EVL: variants seen among roughly 807,000 people sequenced by gnomAD.
EVL encodes ena/VASP-like protein.
In EVL, 21 loss-of-function variants were observed where a neutral mutation model predicts 59.6. The ratio of observed to expected loss-of-function variants is 0.35; its 90% CI spans 0.25 to 0.51. EVL has a LOEUF of 0.51. EVL is among the 20% of genes least tolerant of loss of function. The pLI, the probability that EVL is intolerant of heterozygous loss-of-function variation, is 0.97. For synonymous variants in EVL, 198 were observed against 203.5 expected (o/e 0.97, Z 0.23); for missense variants, 462 against 546.6 (o/e 0.85, Z 1.54).
chr14:100,037,218 A>C (rs2140227419), intron 1 of EVL, among the ~76,000 whole-genome samples: 1 of 152,374 alleles, frequency 6.6e-6, no homozygotes, highest in South Asian at 2.1e-4. Flanking sequence ...CCACATCTGA[A>C]GGGCAGTCCG....
In EVL at chr14:100,114,418, T is replaced by A. The variant is rs1457738276; in HGVS notation, c.359-9121T>A. On this transcript the variant is annotated intron_variant, in intron 3 of 13. Transcript: ENST00000392920. This position sits in a 1 kb window ranked among gnomAD's most constrained non-coding sequence, Gnocchi z 5.0. ...CCTGTGAGCTGAGCCCCACAAGGGGTCTGGACAGTCCTCCAGGGCCAGGGC... is the reference window on the plus strand; with the variant it reads ...CCTGTGAGCTGAGCCCCACAAGGGGACTGGACAGTCCTCCAGGGCCAGGGC... The A allele has an allele frequency of 6.6e-6, 1 of 152,106 alleles. No homozygotes were observed. Among genetic ancestry groups the A allele is most frequent in the Non-Finnish European group, 1.5e-5 (1 of 68,104 alleles). The allele number at this position is 152,106 out of a possible 1,614,324, so 9.4% of individuals were successfully genotyped here.
At chr14:99,986,034 G>A (rs1446298676) in intron 1 of EVL, among the ~76,000 whole-genome samples, 1 of 152,158 alleles carries the variant, frequency 6.6e-6, no homozygotes, top group Non-Finnish European at 1.5e-5. Context: ...GCTCATGCCT[G>A]TAATCCCAGC....
rs1193202450 is a variant in EVL, at chr14:100,127,126, A to T, written c.487+355A>T. Reference sequence around the variant, plus strand: ...GTCCACTCAAGGAGACAGTGAACCCACCCTTGTCATGTCACGTAGTGAACA... The same window carrying T: ...GTCCACTCAAGGAGACAGTGAACCCTCCCTTGTCATGTCACGTAGTGAACA... On this transcript the variant is annotated intron_variant, in intron 5 of 13. Coordinates refer to ENST00000392920, the MANE Select transcript of EVL (RefSeq NM_016337.3). The surrounding 1 kb of genome is among the most constrained non-coding windows in gnomAD (Gnocchi z 4.2). Among the ~76,000 whole-genome samples the T allele has an allele frequency of 6.6e-6, 1 of 152,098 alleles. No homozygotes were observed. The highest frequency in any genetic ancestry group is 1.5e-5 in the Non-Finnish European group (1 of 68,018).
At chr14:100,077,706 A>G (rs1294130477) in intron 1 of EVL, among the ~76,000 whole-genome samples, 1 of 152,126 alleles carries the variant, frequency 6.6e-6, no homozygotes, top group African/African-American at 2.4e-5. Flanking sequence ...AATCTCCTAA[A>G]TGGGGGCCTA....
At chr14:100,038,840 A>G (rs1201575919) in intron 1 of EVL, among the ~76,000 whole-genome samples, 1 of 148,864 alleles carries the variant, frequency 6.7e-6, no homozygotes, top group African/African-American at 2.5e-5. Flanking sequence ...TGTACTCACA[A>G]AGATCAGAAA....
At chr14:100,096,401 T>C (rs1885815213) in intron 2 of EVL, among the ~76,000 whole-genome samples, 1 of 152,226 alleles carries the variant, frequency 6.6e-6, no homozygotes, top group Non-Finnish European at 1.5e-5. Context: ...CTTCCATTCG[T>C]AGAGATCTTC....
intron 7 of EVL, among the ~76,000 whole-genome samples, chr14:100,132,091 A>G (rs746391244): frequency 2.6e-5 from 4 of 151,994 alleles, no homozygotes; most frequent in Admixed American, 6.6e-5. Context: ...AGGTCAGCAG[A>G]TACCACTGAG....
intron 1 of EVL, among the ~76,000 whole-genome samples, chr14:100,070,699 C>T (rs774601632): frequency 3.3e-5 from 5 of 152,156 alleles, no homozygotes; most frequent in African/African-American, 1.2e-4. Context: ...AGGGCAGAGC[C>T]GGGGTCTTCA....
chr14:100,019,563 G>T (rs552640904), intron 1 of EVL: 6 of 1,016,868 alleles, frequency 5.9e-6, no homozygotes, highest in Non-Finnish European at 8.3e-6. Flanking sequence ...TGGAAACCCC[G>T]CCTCATTTTT....
chr14:99,979,182 C>T (rs2060790233), intron 1 of EVL, among the ~76,000 whole-genome samples: 1 of 151,790 alleles, frequency 6.6e-6, no homozygotes, highest in Non-Finnish European at 1.5e-5. Context: ...ACAAATAATC[C>T]CCATACCTAA....
At chr14:100,136,798 G>T (rs1769391167) in intron 9 of EVL, among the ~76,000 whole-genome samples, 1 of 152,174 alleles carries the variant, frequency 6.6e-6, no homozygotes, top group Non-Finnish European at 1.5e-5. Context: ...CCCCTGCCCT[G>T]TTTGCTTCTT....
chr14:100,045,507 A>G (rs1566982273), intron 1 of EVL, among the ~76,000 whole-genome samples: 1 of 151,982 alleles, frequency 6.6e-6, no homozygotes, highest in Admixed American at 6.6e-5. Flanking sequence ...GTAGGTCACA[A>G]TGATTTTCAG....
At chr14:99,995,162 A>T (rs2060905227) in intron 1 of EVL, among the ~76,000 whole-genome samples, 1 of 152,064 alleles carries the variant, frequency 6.6e-6, no homozygotes, top group Non-Finnish European at 1.5e-5. Flanking sequence ...GAGTTTTTTT[A>T]ACCTTGAATT....
intron 3 of EVL, chr14:100,102,268 C>A (rs1886269379): frequency 2.2e-6 from 1 of 455,936 alleles, no homozygotes; most frequent in Non-Finnish European, 4.4e-6. Flanking sequence ...CCTCCTTGCA[C>A]CTTTTGCTAT....
At chr14:100,006,546 C>T (rs937526875) in intron 1 of EVL, among the ~76,000 whole-genome samples, 2 of 152,074 alleles carry the variant, frequency 1.3e-5, no homozygotes, top group Non-Finnish European at 2.9e-5. Context: ...CTTGGCCTCT[C>T]AAACTGCTGG....
chr14:99,988,181 G>T (rs1035376448), intron 1 of EVL, among the ~76,000 whole-genome samples: 2 of 152,044 alleles, frequency 1.3e-5, no homozygotes, highest in African/African-American at 4.8e-5. Flanking sequence ...CTCCCAAAGT[G>T]CTGGGATTAC....
Position 99,980,712 on chromosome 14 carries a change from A to G in EVL, c.5+8655A>G, listed in dbSNP as rs1026448244. On this transcript the variant is annotated intron_variant, in intron 1 of 13. Transcript: ENST00000402714. Reference sequence around the variant, plus strand: ...TCCTAAGGTGGCTTTTGTAAGGGCTATAGGGATTCCGTGTGTATCTTTCCA... The same window carrying G: ...TCCTAAGGTGGCTTTTGTAAGGGCTGTAGGGATTCCGTGTGTATCTTTCCA... 5.3e-5 allele frequency among the ~76,000 whole-genome samples: 8 copies of G among 152,212 alleles called. No individual in the cohort carries two copies. The South Asian group carries it at 1.4e-3, about 28-fold the overall frequency.
chr14:99,998,269 A>G (rs1340275844), intron 1 of EVL, among the ~76,000 whole-genome samples: 4 of 152,074 alleles, frequency 2.6e-5, no homozygotes, highest in African/African-American at 4.8e-5. Context: ...CTCCCACCCC[A>G]GCCTCCCAAA....
intron 3 of EVL, 104 bp from the exon 4 acceptor site, chr14:100,123,435 T>C (rs1314846217): frequency 1.5e-5 from 17 of 1,116,696 alleles, no homozygotes; most frequent in African/African-American, 3.1e-5. Context: ...TAAGGATGTC[T>C]CTTCTGCAGC....
Sources: gnomAD v4.1 joint callset for allele counts (sites outside exome capture counted in the v4.1 genomes callset) on GRCh38, gnomAD v4.1.1 for gene constraint, Gnocchi (gnomAD v3.1) non-coding constraint, MANE v1.5 for transcripts, NCBI Gene and HGNC (gene_info 2026-07-23, HGNC 2026-07-21) for gene names.